TYW1: variants seen among roughly 807,000 people sequenced by gnomAD.
The protein encoded by TYW1 is tRNA-yW synthesizing protein 1 homolog, also known as S-adenosyl-L-methionine-dependent tRNA 4-demethylwyosine synthase TYW1.
A neutral mutation model predicts 96.2 loss-of-function variants in TYW1; 46 were observed. The observed-to-expected ratio is 0.48, with a 90% CI of 0.38 to 0.61. The LOEUF is 0.61. Ranked by LOEUF, TYW1 falls within the 20% of genes least tolerant of loss-of-function variation. TYW1 has a pLI of 0.00. For missense variants in TYW1, 684 were observed against 909.6 expected (o/e 0.75, Z 3.19); for synonymous variants, 274 against 323.0 (o/e 0.85, Z 1.63).
chr7:67,143,583 A>G (rs7776751), intron 13 of TYW1, among the ~76,000 whole-genome samples: 33,568 of 152,016 alleles, frequency 0.22, 3,809 homozygotes, highest in South Asian at 0.28. Context: ...TTGGGAAAGC[A>G]CGTGTGGCTT....
intron 9 of TYW1, 59 bp from the exon 10 acceptor site, chr7:67,067,226 T>C: frequency 6.5e-7 from 1 of 1,542,382 alleles, no homozygotes; most frequent in Non-Finnish European, 9.0e-7. Flanking sequence ...GATGCCTTGG[T>C]GGTTTGTTTC....
chr7:67,044,597 A>G (rs1253506309), intron 7 of TYW1, among the ~76,000 whole-genome samples: 1 of 152,150 alleles, frequency 6.6e-6, no homozygotes, highest in East Asian at 1.9e-4. Flanking sequence ...AATGACCTCT[A>G]GAGAATTTGG....
intron 12 of TYW1, among the ~76,000 whole-genome samples, chr7:67,099,513 A>G (rs1195532992): frequency 3.9e-5 from 6 of 152,184 alleles, no homozygotes; most frequent in African/African-American, 7.2e-5. Context: ...CAAGTTAGAA[A>G]GGTTGGGATT....
chr7:67,120,537 G>A (rs1797731311), intron 13 of TYW1, among the ~76,000 whole-genome samples: 1 of 152,170 alleles, frequency 6.6e-6, no homozygotes, highest in Non-Finnish European at 1.5e-5. Flanking sequence ...TATTAATACT[G>A]ATGTTATTTA....
At chr7:67,133,545 A>G (rs1187481584) in intron 13 of TYW1, among the ~76,000 whole-genome samples, 2 of 150,704 alleles carry the variant, frequency 1.3e-5, no homozygotes, top group African/African-American at 4.9e-5. Context: ...TAAAAATACA[A>G]AAATTAGCTG....
chr7:67,136,681 G>A (rs113258857), intron 13 of TYW1, among the ~76,000 whole-genome samples: 41,712 of 129,426 alleles, frequency 0.32, 6,604 homozygotes, highest in African/African-American at 0.5. Flanking sequence ...GTGTGTGTGT[G>A]TGTGTATATA....
intron 15 of TYW1, among the ~76,000 whole-genome samples, chr7:67,228,364 A>G (rs992428644): frequency 6.6e-6 from 1 of 152,294 alleles, no homozygotes; most frequent in East Asian, 1.9e-4. Flanking sequence ...AGATCTTGTG[A>G]GATTTATTCA....
intron 3 of TYW1, 90 bp from the exon 4 acceptor site, chr7:67,009,493 G>C: frequency 8.9e-7 from 1 of 1,117,688 alleles, no homozygotes. Flanking sequence ...TTTTTCATGA[G>C]GAATGCCACA....
chr7:67,064,158 T>G (rs905429046), intron 9 of TYW1, among the ~76,000 whole-genome samples: 2 of 152,204 alleles, frequency 1.3e-5, no homozygotes, highest in African/African-American at 4.8e-5. Context: ...ATGAAGTTCT[T>G]ACAAAAATAC....
chr7:66,999,637 AGCC>A (rs1793312575), intron 3 of TYW1, among the ~76,000 whole-genome samples: 1 of 152,198 alleles, frequency 6.6e-6, no homozygotes, highest in South Asian at 2.1e-4. Context: ...TACAGGCGTG[AGCC>A]ACTGCACCTG....
intron 12 of TYW1, among the ~76,000 whole-genome samples, chr7:67,105,886 CTTTTTTTTTTTTTTT>C (rs11330425): frequency 1.1e-4 from 7 of 61,396 alleles, no homozygotes; most frequent in African/African-American, 4.6e-4. Flanking sequence ...AGAGAATATT[CTTTTTTTTTTTTTTT>C]TTTTTTTTTG....
chr7:66,998,895 A>G lies in TYW1; in HGVS notation c.214A>G (p.Lys72Glu), dbSNP rs1231794324. The change falls in exon 3 of 16, where the codon AAA becomes GAA. Residue 72 changes from lysine (K) to glutamate (E), a missense_variant. By Grantham distance (56) the Lys-to-Glu change is moderately conservative. Transcript: ENST00000359626. ...AAATGGTTATGTCTCCCTTCAAGAG[A>G]AAGACATCTTTGTGTCTGGAGTGAA... ...MTNGYVSLQE[K>E]DIFVSGVKIF... 1 of 1,614,146 alleles carries G rather than the reference A, an allele frequency of 6.2e-7. No individual in the cohort carries two copies. Among genetic ancestry groups the G allele is most frequent in the Non-Finnish European group, 8.5e-7 (1 of 1,180,008 alleles).
At chr7:67,035,909 T>C (rs1174690988) in intron 7 of TYW1, among the ~76,000 whole-genome samples, 5 of 151,014 alleles carry the variant, frequency 3.3e-5, no homozygotes, top group African/African-American at 7.3e-5. Context: ...GATTTGCTGA[T>C]CTTATGATCC....
intron 15 of TYW1, among the ~76,000 whole-genome samples, chr7:67,216,625 T>C (rs1295084928): frequency 7.0e-6 from 1 of 143,392 alleles, no homozygotes. Flanking sequence ...CTGAAATGAC[T>C]CTGTTATTTT....
At chr7:67,007,678 G>A (rs769964390) in intron 3 of TYW1, among the ~76,000 whole-genome samples, 4 of 152,014 alleles carry the variant, frequency 2.6e-5, no homozygotes, top group Non-Finnish European at 5.9e-5. Context: ...TGTCGTCCAG[G>A]CTGGAGTGCA....
intron 12 of TYW1, 137 bp downstream of exon 12, chr7:67,098,855 G>C: frequency 4.2e-6 from 4 of 954,482 alleles, no homozygotes; most frequent in Non-Finnish European, 6.1e-6. Flanking sequence ...GGGAGGTGAA[G>C]ATGGTCCTGC....
At chr7:67,055,406 G>T (rs1468531077) in intron 8 of TYW1, among the ~76,000 whole-genome samples, 1 of 152,058 alleles carries the variant, frequency 6.6e-6, no homozygotes, top group Non-Finnish European at 1.5e-5. Context: ...AGACCAGCCT[G>T]GCCAACATGG....
intron 12 of TYW1, among the ~76,000 whole-genome samples, chr7:67,100,829 ACTCCAGCCTGGGCTACAGAGC>A (rs1797061386): frequency 1.5e-5 from 2 of 137,440 alleles, no homozygotes; most frequent in South Asian, 4.6e-4. Flanking sequence ...ACGCCACTGC[ACTCCAGCCTGGGCTACAGAGC>A]AAAAAAAAAA....
At chr7:67,119,631 T>C (rs902022067) in intron 13 of TYW1, among the ~76,000 whole-genome samples, 21 of 152,190 alleles carry the variant, frequency 1.4e-4, no homozygotes, top group Non-Finnish European at 1.8e-4. Context: ...TGATTACAAT[T>C]AGCTGCCCCT....
Sources: gnomAD v4.1 joint callset for allele counts (sites outside exome capture counted in the v4.1 genomes callset) on GRCh38, gnomAD v4.1.1 for gene constraint, MANE v1.5 for transcripts, NCBI Gene and HGNC (gene_info 2026-07-23, HGNC 2026-07-21) for gene names.